The following ATRNL1 variants were observed in gnomAD, a reference collection of about 807,000 sequenced individuals.
ATRNL1 encodes attractin-like protein 1.
ATRNL1 carries 95 observed loss-of-function variants against 182.7 expected under a neutral mutation model. The ratio of observed to expected loss-of-function variants is 0.52; its 90% confidence interval spans 0.44 to 0.62. The LOEUF is 0.62. ATRNL1 is among the 20% of genes least tolerant of loss of function. The pLI is 0.00. For missense variants in ATRNL1, 1,471 were observed against 1,679.5 expected, an observed-to-expected ratio of 0.88 and a Z score of 2.17; for synonymous variants, 576 against 568.3, an observed-to-expected ratio of 1.01 and a Z score of -0.19.
At chr10:115,360,090 T>C (rs1475498124) in intron 19 of ATRNL1, among the ~76,000 whole-genome samples, 1 of 151,624 alleles carries the variant, frequency 6.6e-6, no homozygotes, top group Non-Finnish European at 1.5e-5. Flanking sequence ...ACTAGTGTTT[T>C]CTTGACAAAT....
Position 115,402,920 on chromosome 10 carries a change from T to G in ATRNL1, c.3269+8168T>G, listed in dbSNP as rs1044783273. Among the ~76,000 whole-genome samples, 5 of 152,180 alleles carry G rather than the reference T, an allele frequency of 3.3e-5. No homozygotes were observed. In the East Asian group the frequency reaches 9.6e-4, roughly 29 times the overall value. On this transcript the variant is annotated intron_variant, in intron 20 of 28. Coordinates refer to ENST00000355044, the MANE Select transcript of ATRNL1 (RefSeq NM_207303.4). ...CCTGGGATGGGAGCCAAAATTCTAC[T>G]TTACTAATAGTAAATTGTGAAATAA...
intron 27 of ATRNL1, among the ~76,000 whole-genome samples, chr10:115,804,332 A>G (rs1408242856): frequency 1.1e-4 from 17 of 151,904 alleles, no homozygotes; most frequent in African/African-American, 4.1e-4. Flanking sequence ...TTTACAGTGT[A>G]TATGTTGAAA....
At chr10:115,620,491 T>G (rs555627342) in intron 26 of ATRNL1, among the ~76,000 whole-genome samples, 1 of 152,174 alleles carries the variant, frequency 6.6e-6, no homozygotes, top group Non-Finnish European at 1.5e-5. Context: ...CTTAAACCAT[T>G]TTAGAGACAA....
intron 8 of ATRNL1, among the ~76,000 whole-genome samples, chr10:115,205,610 A>G (rs1848765615): frequency 6.6e-6 from 1 of 151,722 alleles, no homozygotes; most frequent in South Asian, 2.1e-4. Context: ...TCTTATCTTA[A>G]TGTGATATTT....
In ATRNL1 at chr10:115,948,396, G is replaced by C. The variant is rs1953921964; in HGVS notation, c.*3617G>C. The C allele has an allele frequency of 6.6e-6, 1 of 152,170 alleles. No homozygotes were observed. The highest frequency in any genetic ancestry group is 2.1e-4 in the South Asian group (1 of 4,832). 9.4% of individuals were successfully genotyped at this position (152,170 alleles called of 1,614,324 possible). ...ATTGTAAAATGAAAACTGACCAAATGAACTAATTCTACCCACCTATGGTCT... is the reference window on the plus strand; with the variant it reads ...ATTGTAAAATGAAAACTGACCAAATCAACTAATTCTACCCACCTATGGTCT... On this transcript the variant is annotated 3_prime_UTR_variant, in exon 29 of 29. Coordinates refer to ENST00000355044, the MANE Select transcript of ATRNL1 (RefSeq NM_207303.4).
chr10:115,501,626 G>GT (rs1849843523), intron 24 of ATRNL1, among the ~76,000 whole-genome samples: 1 of 152,152 alleles, frequency 6.6e-6, no homozygotes, highest in African/African-American at 2.4e-5. Context: ...CTAACAAGTA[G>GT]TTTTTAAATT....
chr10:115,136,258 A>G (rs185488734), intron 5 of ATRNL1, among the ~76,000 whole-genome samples: 1 of 151,982 alleles, frequency 6.6e-6, no homozygotes, highest in Admixed American at 6.5e-5. Context: ...GTGTAGACTC[A>G]TCTGCTTCTA....
chr10:115,704,347 G>A (rs782795016), intron 26 of ATRNL1, among the ~76,000 whole-genome samples: 3 of 151,730 alleles, frequency 2.0e-5, no homozygotes, highest in Admixed American at 6.6e-5. Context: ...AAGGAAACTG[G>A]TCATCTTGAA....
At chr10:115,921,812 G>C (rs782562670) in intron 28 of ATRNL1, among the ~76,000 whole-genome samples, 2 of 152,042 alleles carry the variant, frequency 1.3e-5, no homozygotes, top group Non-Finnish European at 2.9e-5. Flanking sequence ...TTTTACATGG[G>C]ATTATCCCAA....
intron 9 of ATRNL1, among the ~76,000 whole-genome samples, chr10:115,228,046 A>T (rs1440377631): frequency 1.3e-5 from 2 of 152,138 alleles, no homozygotes; most frequent in East Asian, 3.8e-4. Flanking sequence ...TGGCATATAT[A>T]TTATACTTCA....
rs530273419 is a variant in ATRNL1, at chr10:115,923,207, A to G, written c.4019-21451A>G. ...CATCTTCATGTAACCCAGTAACAAAATATATGTACATACACATATATACAC... is the reference window on the plus strand; with the variant it reads ...CATCTTCATGTAACCCAGTAACAAAGTATATGTACATACACATATATACAC... On this transcript the variant is annotated intron_variant, in intron 28 of 28. Coordinates refer to ENST00000355044, the MANE Select transcript of ATRNL1 (RefSeq NM_207303.4). 7.2e-5 allele frequency among the ~76,000 whole-genome samples: 11 copies of G among 152,310 alleles called. No homozygotes were observed. The South Asian group carries it at 2.3e-3, about 32-fold the overall frequency.
chr10:115,462,315 A>C (rs1342017267), intron 22 of ATRNL1, among the ~76,000 whole-genome samples: 2 of 152,104 alleles, frequency 1.3e-5, no homozygotes, highest in Admixed American at 6.6e-5. Context: ...GACTGTTCTT[A>C]TTTAAAAATA....
At chr10:115,527,932 T>C (rs1554987054) in intron 25 of ATRNL1, among the ~76,000 whole-genome samples, 81 of 82,390 alleles carry the variant, frequency 9.8e-4, no homozygotes, top group African/African-American at 1.2e-3. Flanking sequence ...TCCTCCCTCC[T>C]TCCTTCTCCT....
intron 27 of ATRNL1, among the ~76,000 whole-genome samples, chr10:115,775,007 A>G (rs1949087921): frequency 6.6e-6 from 1 of 152,188 alleles, no homozygotes; most frequent in Non-Finnish European, 1.5e-5. Context: ...AATGAATACC[A>G]TTGAGGTTTT....
intron 20 of ATRNL1, among the ~76,000 whole-genome samples, chr10:115,416,078 A>G (rs1285687194): frequency 6.6e-6 from 1 of 152,070 alleles, no homozygotes; most frequent in Non-Finnish European, 1.5e-5. Context: ...TCTAGCTCCT[A>G]TAAAATCTCA....
At chr10:115,824,343 A>C (rs1950375200) in intron 27 of ATRNL1, among the ~76,000 whole-genome samples, 1 of 152,182 alleles carries the variant, frequency 6.6e-6, no homozygotes, top group Non-Finnish European at 1.5e-5. Flanking sequence ...AAACCTAGGC[A>C]ATACCATTCA....
At position 115,178,624 on chromosome 10, in the gene ATRNL1, G is replaced by T. The variant is rs1264761; in HGVS notation, c.1348+7332G>T. Among the ~76,000 whole-genome samples, 1,092 of 152,164 alleles carry T rather than the reference G, an allele frequency of 7.2e-3. 13 individuals are homozygous for T. Among genetic ancestry groups the T allele is most frequent in the African/African-American group, 0.025 (1,058 of 41,518 alleles). ...AGTATTAAGAGGTGGGGCTTTTTGG[G>T]GTGTGATTAAGTCAGGATGGCTCTG... On this transcript the variant is annotated intron_variant, in intron 8 of 28. Coordinates refer to ENST00000355044, the MANE Select transcript of ATRNL1 (RefSeq NM_207303.4).
At chr10:115,450,718 C>G (rs1441706116) in intron 21 of ATRNL1, among the ~76,000 whole-genome samples, 1 of 152,126 alleles carries the variant, frequency 6.6e-6, no homozygotes, top group Non-Finnish European at 1.5e-5. Context: ...TTTACAGATT[C>G]AATGCTATTC....
intron 24 of ATRNL1, among the ~76,000 whole-genome samples, chr10:115,489,317 C>T (rs1849180840): frequency 6.6e-6 from 1 of 152,046 alleles, no homozygotes; most frequent in South Asian, 2.1e-4. Flanking sequence ...CTAATATTGA[C>T]AGTGGGGTGT....
Sources: gnomAD v4.1 joint callset for allele counts (sites outside exome capture counted in the v4.1 genomes callset) on GRCh38, gnomAD v4.1.1 for gene constraint, MANE v1.5 for transcripts, NCBI Gene and HGNC (gene_info 2026-07-23, HGNC 2026-07-21) for gene names.